CNGB3: variants seen among roughly 807,000 people sequenced by gnomAD.
The protein encoded by CNGB3 is cyclic nucleotide gated channel subunit beta 3.
In CNGB3, 86 loss-of-function variants were observed where a neutral mutation model predicts 92.8. The observed-to-expected ratio is 0.93, with a 90% CI of 0.78 to 1.11. The LOEUF (loss-of-function observed/expected upper bound fraction) is 1.11, where lower values mean the gene tolerates loss of function less well. CNGB3 is among the 50% of genes least tolerant of loss of function. The pLI is 0.00. For missense variants in CNGB3, 1,026 were observed against 956.8 expected (o/e 1.07, Z -0.95); for synonymous variants, 333 against 332.7 (o/e 1.00, Z -0.01).
intron 2 of CNGB3, 35 bp downstream of exon 2, chr8:86,739,620 G>GTTTTTTTTTTTTTTTTTTTT: frequency 1.3e-6 from 2 of 1,488,506 alleles, no homozygotes; most frequent in African/African-American, 1.5e-5. Flanking sequence ...TCACTTTTTA[G>GTTTTTTTTTTTTTTTTTTTT]TTTTTTTTTT....
intron 3 of CNGB3, among the ~76,000 whole-genome samples, chr8:86,673,502 A>G (rs1471318744): frequency 6.6e-6 from 1 of 152,186 alleles, no homozygotes; most frequent in Non-Finnish European, 1.5e-5. Flanking sequence ...AAGTCAGGTT[A>G]TGATGGTCCC....
At chr8:86,602,739 G>T (rs1298676654) in intron 15 of CNGB3, among the ~76,000 whole-genome samples, 1 of 152,060 alleles carries the variant, frequency 6.6e-6, no homozygotes, top group East Asian at 1.9e-4. Flanking sequence ...CTTCTAACTG[G>T]ACTCTATTCA....
chr8:86,681,718 A>G (rs1824085369), intron 3 of CNGB3, among the ~76,000 whole-genome samples: 1 of 152,198 alleles, frequency 6.6e-6, no homozygotes, highest in Non-Finnish European at 1.5e-5. Flanking sequence ...AAGCTTCAAG[A>G]GATGGAAAAA....
At chr8:86,685,144 A>G (rs993592765) in intron 3 of CNGB3, among the ~76,000 whole-genome samples, 1 of 152,076 alleles carries the variant, frequency 6.6e-6, no homozygotes, top group African/African-American at 2.4e-5. Flanking sequence ...TATATGGGAT[A>G]TTTCTGTATT....
chr8:86,623,737 C>G (rs1822788551), intron 13 of CNGB3, among the ~76,000 whole-genome samples: 1 of 152,190 alleles, frequency 6.6e-6, no homozygotes, highest in Non-Finnish European at 1.5e-5. Flanking sequence ...CCCACCCAAC[C>G]TACACTTACT....
chr8:86,673,190 A>G (rs1823896059), intron 3 of CNGB3, among the ~76,000 whole-genome samples: 1 of 152,234 alleles, frequency 6.6e-6, no homozygotes, highest in Non-Finnish European at 1.5e-5. Flanking sequence ...ATCCATAGCT[A>G]ATGGTAAATA....
intron 13 of CNGB3, 47 bp downstream of exon 13, chr8:86,625,936 T>A: frequency 6.9e-7 from 1 of 1,451,052 alleles, no homozygotes; most frequent in Non-Finnish European, 9.7e-7. Flanking sequence ...GAGCTTAGAT[T>A]CCATAGAGAA....
intron 13 of CNGB3, among the ~76,000 whole-genome samples, chr8:86,621,784 G>T (rs866231597): frequency 6.6e-6 from 1 of 152,158 alleles, no homozygotes; most frequent in African/African-American, 2.4e-5. Context: ...ATTGTCTCCA[G>T]CCAGGCGTGG....
At chr8:86,634,990 G>A (rs1246901663) in intron 10 of CNGB3, among the ~76,000 whole-genome samples, 1 of 148,166 alleles carries the variant, frequency 6.7e-6, no homozygotes, top group African/African-American at 2.5e-5. Context: ...CTAGTTCCTT[G>A]TTATAGGAAC....
At chr8:86,736,276 A>T (rs1825250267) in intron 2 of CNGB3, among the ~76,000 whole-genome samples, 1 of 152,178 alleles carries the variant, frequency 6.6e-6, no homozygotes, top group African/African-American at 2.4e-5. Context: ...TTCAAGACAA[A>T]ATATCTTAAA....
intron 6 of CNGB3, chr8:86,657,620 T>G (rs1191505873): frequency 2.5e-6 from 1 of 403,982 alleles, no homozygotes; most frequent in Non-Finnish European, 5.0e-6. Flanking sequence ...AGCCCCGAGC[T>G]CCTGTGGGAG....
At chr8:86,616,196 A>G (rs2131571782) in intron 13 of CNGB3, among the ~76,000 whole-genome samples, 1 of 152,328 alleles carries the variant, frequency 6.6e-6, no homozygotes, top group South Asian at 2.1e-4. Context: ...ATGACTTTTT[A>G]TTAACATACT....
intron 3 of CNGB3, among the ~76,000 whole-genome samples, chr8:86,696,507 A>C (rs1386825243): frequency 3.3e-5 from 5 of 152,150 alleles, no homozygotes; most frequent in Non-Finnish European, 7.4e-5. Flanking sequence ...CAGTTTTTCC[A>C]GTATGTTCCT....
At chr8:86,582,522 A>G (rs910676693) in intron 15 of CNGB3, among the ~76,000 whole-genome samples, 1 of 152,156 alleles carries the variant, frequency 6.6e-6, no homozygotes, top group Admixed American at 6.5e-5. Flanking sequence ...AAAACCCCCA[A>G]CTTCTGGGCA....
chr8:86,730,435 G>A (rs1361271089), intron 2 of CNGB3, among the ~76,000 whole-genome samples: 1 of 152,172 alleles, frequency 6.6e-6, no homozygotes, highest in African/African-American at 2.4e-5. Flanking sequence ...TGGTGTGGGG[G>A]ATGGTACTAC....
rs192975655 is a variant in CNGB3 at position 86,679,353 on chromosome 8, G to A, written c.339-8255C>T. 3.4e-3 allele frequency among the ~76,000 whole-genome samples: 518 copies of A among 152,008 alleles called. 5 individuals carry two copies. Among genetic ancestry groups the A allele is most frequent in the Non-Finnish European group, 4.5e-3 (304 of 67,984 alleles). Reference sequence around the variant, plus strand: ...AACGTGTTTCATTAGAATGTGTTATGGGCTAAATTTTGTTCCCCCAAAATT... The same window carrying A: ...AACGTGTTTCATTAGAATGTGTTATAGGCTAAATTTTGTTCCCCCAAAATT... On this transcript the variant is annotated intron_variant, in intron 3 of 17. Coordinates refer to ENST00000320005, the MANE Select transcript of CNGB3 (RefSeq NM_019098.5).
At chr8:86,708,563 A>ATT (rs10714055) in intron 3 of CNGB3, among the ~76,000 whole-genome samples, 22 of 85,898 alleles carry the variant, frequency 2.6e-4, no homozygotes, top group East Asian at 6.7e-4. Context: ...TCTTTTCTTA[A>ATT]TTTTTTTTTT....
intron 2 of CNGB3, among the ~76,000 whole-genome samples, chr8:86,727,515 A>G (rs1825081849): frequency 1.3e-5 from 2 of 152,162 alleles, no homozygotes; most frequent in Non-Finnish European, 2.9e-5. Context: ...CTTTATTTTC[A>G]ATACAGAAAT....
chr8:86,721,552 T>TA (rs1472716702), intron 3 of CNGB3, among the ~76,000 whole-genome samples: 2 of 152,010 alleles, frequency 1.3e-5, no homozygotes, highest in African/African-American at 4.8e-5. Flanking sequence ...CCTATTGAAA[T>TA]AAAAAATAAA....
Sources: gnomAD v4.1 joint callset for allele counts (sites outside exome capture counted in the v4.1 genomes callset) on GRCh38, gnomAD v4.1.1 for gene constraint, MANE v1.5 for transcripts, NCBI Gene and HGNC (gene_info 2026-07-23, HGNC 2026-07-21) for gene names.